The following ACER2 variants were observed in gnomAD, a reference collection of about 807,000 sequenced individuals.
ACER2 encodes alkCDase 2.
In ACER2, 26 loss-of-function variants were observed where a neutral mutation model predicts 34.7. The ratio of observed to expected loss-of-function variants is 0.75; its 90% CI spans 0.55 to 1.04. ACER2 has a LOEUF of 1.04. ACER2 is among the 50% of genes least tolerant of loss of function. The pLI is 0.00. For synonymous variants in ACER2, 138 were observed against 132.1 expected (o/e 1.04, Z -0.31); for missense variants, 352 against 340.8 (o/e 1.03, Z -0.26).
chr9:19,409,794 G>T (rs1344590768), intron 1 of ACER2: 22 of 985,070 alleles, frequency 2.2e-5, no homozygotes, highest in Non-Finnish European at 2.5e-5. Context: ...TGTGCAAGCC[G>T]CTAATTCAAC....
At chr9:19,411,010 A>G (rs539537838) in intron 1 of ACER2, among the ~76,000 whole-genome samples, 1 of 152,332 alleles carries the variant, frequency 6.6e-6, no homozygotes, top group East Asian at 1.9e-4. Context: ...GGGTCTACAG[A>G]GAGGGTCAAC....
In ACER2 at chr9:19,451,726, C is replaced by T. The variant is rs1792592478; in HGVS notation, c.*1090C>T. The T allele has an allele frequency of 6.6e-6, 1 of 152,216 alleles. No homozygotes were observed. Among genetic ancestry groups the T allele is most frequent in the South Asian group, 2.1e-4 (1 of 4,832 alleles). 9.4% of individuals were successfully genotyped at this position (152,216 alleles called of 1,614,324 possible). A position where few individuals can be genotyped will look rare whatever the true frequency, so the allele number is the denominator to read the frequency against. ...TGACCTCTGTAAGTTTACCAAAGGG[C>T]TCCTCACAATTGTGGTGGGGGTTCT... On this transcript the variant is annotated 3_prime_UTR_variant, in exon 6 of 6. Coordinates refer to ENST00000340967, the MANE Select transcript of ACER2 (RefSeq NM_001010887.3).
intron 1 of ACER2, among the ~76,000 whole-genome samples, chr9:19,410,949 C>G (rs1689083955): frequency 6.6e-6 from 1 of 152,160 alleles, no homozygotes; most frequent in South Asian, 2.1e-4. Flanking sequence ...GAAAAGACAG[C>G]TTGATGACAG....
At chr9:19,409,343 G>T (rs1354275516) in intron 1 of ACER2, 151 bp downstream of exon 1, 14 of 688,008 alleles carry the variant, frequency 2.0e-5, no homozygotes, top group African/African-American at 2.0e-4. Context: ...TCCTCGGCGC[G>T]CTCCTTTCAG....
chr9:19,429,637 T>G (rs1830688717), intron 3 of ACER2, among the ~76,000 whole-genome samples: 1 of 152,202 alleles, frequency 6.6e-6, no homozygotes. Context: ...CAACCTTGTA[T>G]CCACTTCTTA....
rs1830007570 is a variant in ACER2, at chr9:19,409,180, G to A, written c.96G>A (p.Glu32=). The stretch of plus-strand genomic sequence containing the variant: ...ACACCATCGTGCCTGCTATCGCCGA[G>A]TTCTACAACACGGTGCGGGGCGCGG... ...DNYTIVPAIA[E]FYNTISNVLF... is the part of the protein sequence containing the mutation. Residue 32 remains glutamate (E), a synonymous_variant, in exon 1 of 6, where the codon GAG becomes GAA. Transcript: ENST00000340967. 1.9e-6 allele frequency: 3 copies of A among 1,597,010 alleles called. No homozygotes were observed. The East Asian group carries it at 6.8e-5, about 36-fold the overall frequency.
chr9:19,413,385 G>A (rs1423416246), intron 1 of ACER2, among the ~76,000 whole-genome samples: 1 of 152,130 alleles, frequency 6.6e-6, no homozygotes, highest in African/African-American at 2.4e-5. Flanking sequence ...GATCACTTGA[G>A]GTCAGGAGTT....
intron 3 of ACER2, 108 bp downstream of exon 3, chr9:19,424,949 G>A: frequency 7.3e-7 from 1 of 1,361,720 alleles, no homozygotes; most frequent in East Asian, 2.4e-5. Flanking sequence ...CTAGTGATGA[G>A]CTTATCATAT....
At chr9:19,433,988 C>T (rs528177524) in intron 3 of ACER2, among the ~76,000 whole-genome samples, 82 of 151,818 alleles carry the variant, frequency 5.4e-4, no homozygotes, top group African/African-American at 1.7e-3. Context: ...GGGTGGCTGC[C>T]GGGCGGAGAC....
intron 3 of ACER2, among the ~76,000 whole-genome samples, chr9:19,432,554 G>A (rs13289819): frequency 3.7e-5 from 5 of 136,018 alleles, no homozygotes; most frequent in South Asian, 2.6e-4. Flanking sequence ...ATATATATGT[G>A]TGTGTGTGTG....
chr9:19,440,765 A>T (rs1242585689), intron 4 of ACER2, among the ~76,000 whole-genome samples: 1 of 152,092 alleles, frequency 6.6e-6, no homozygotes. Flanking sequence ...ACATATGTGG[A>T]TGACTCCTAA....
intron 1 of ACER2, chr9:19,409,952 G>C: frequency 1.0e-6 from 1 of 985,222 alleles, no homozygotes. Context: ...TGTGATTTTA[G>C]TTCTTGTGGT....
At chr9:19,427,286 T>C (rs1322584094) in intron 3 of ACER2, among the ~76,000 whole-genome samples, 1 of 152,232 alleles carries the variant, frequency 6.6e-6, no homozygotes, top group African/African-American at 2.4e-5. Flanking sequence ...ATTTCTGAGA[T>C]ATGCATACAA....
intron 2 of ACER2, 54 bp from the exon 3 acceptor site, chr9:19,424,646 G>C (rs1830505858): frequency 4.4e-6 from 7 of 1,607,860 alleles, no homozygotes; most frequent in African/African-American, 2.7e-5. Flanking sequence ...GCAGTGTATT[G>C]AATTTGTGTC....
intron 3 of ACER2, among the ~76,000 whole-genome samples, chr9:19,426,146 C>T (rs969043684): frequency 2.0e-5 from 3 of 151,806 alleles, no homozygotes; most frequent in Non-Finnish European, 4.4e-5. Context: ...CACCTAACTA[C>T]AGCCATTGGC....
At chr9:19,430,121 G>A (rs1053064342) in intron 3 of ACER2, among the ~76,000 whole-genome samples, 1 of 147,076 alleles carries the variant, frequency 6.8e-6, no homozygotes, top group African/African-American at 2.5e-5. Flanking sequence ...CCTATACCCT[G>A]TGTCCCTTTT....
chr9:19,418,570 C>T (rs1341791701), intron 1 of ACER2, among the ~76,000 whole-genome samples: 1 of 152,096 alleles, frequency 6.6e-6, no homozygotes, highest in African/African-American at 2.4e-5. Context: ...AGCTGGAAAC[C>T]ATTATTCTCA....
intron 3 of ACER2, among the ~76,000 whole-genome samples, chr9:19,426,373 TCTCTCTCTCTCTC>T (rs1830571587): frequency 1.1e-5 from 1 of 93,370 alleles, no homozygotes; most frequent in African/African-American, 5.1e-5. Context: ...TCTCTCTCTC[TCTCTCTCTCTCTC>T]TCTCTCCTCC....
chr9:19,441,980 C>G (rs1831170476), intron 4 of ACER2, among the ~76,000 whole-genome samples: 1 of 152,198 alleles, frequency 6.6e-6, no homozygotes, highest in Non-Finnish European at 1.5e-5. Flanking sequence ...CTCACTTTCT[C>G]TTTCTCTTTA....
Sources: gnomAD v4.1 joint callset for allele counts (sites outside exome capture counted in the v4.1 genomes callset) on GRCh38, gnomAD v4.1.1 for gene constraint, MANE v1.5 for transcripts, NCBI Gene and HGNC (gene_info 2026-07-23, HGNC 2026-07-21) for gene names.